PDE4D: variants seen among roughly 807,000 people sequenced by gnomAD.
PDE4D encodes the protein 3',5'-cyclic-AMP phosphodiesterase 4D.
PDE4D carries 24 observed loss-of-function variants against 87.4 expected under a neutral mutation model. That is an observed-to-expected ratio of 0.27 (90% CI 0.20 to 0.39). The LOEUF (loss-of-function observed/expected upper bound fraction) is 0.39, where lower values mean the gene tolerates loss of function less well. Ranked by LOEUF, PDE4D falls within the 10% of genes least tolerant of loss-of-function variation. The probability of loss-of-function intolerance (pLI) is 1.00; values close to 1 mark genes in which losing one functional copy is unlikely to be tolerated. For missense variants in PDE4D, 714 were observed against 1,041.0 expected (o/e 0.69, Z 4.32); for synonymous variants, 384 against 383.2 (o/e 1.00, Z -0.02).
intron 5 of PDE4D, among the ~76,000 whole-genome samples, chr5:59,109,309 A>G (rs574925659): frequency 6.6e-6 from 1 of 152,224 alleles, no homozygotes; most frequent in Non-Finnish European, 1.5e-5. Context: ...TAGTCATTAA[A>G]CAGCAACCAC....
At chr5:59,130,572 A>C (rs1776123143) in intron 5 of PDE4D, among the ~76,000 whole-genome samples, 4 of 152,252 alleles carry the variant, frequency 2.6e-5, no homozygotes, top group Admixed American at 2.6e-4. Context: ...TGACTGTTTA[A>C]GTTGGCTAAC....
chr5:59,264,311 C>T (rs1489368591), intron 1 of PDE4D, among the ~76,000 whole-genome samples: 1 of 151,976 alleles, frequency 6.6e-6, no homozygotes, highest in Non-Finnish European at 1.5e-5. Context: ...GACTAGCTAT[C>T]TTGGTTTTAA....
chr5:60,256,974 T>C (rs771121998), intron 1 of PDE4D, among the ~76,000 whole-genome samples: 7 of 151,942 alleles, frequency 4.6e-5, no homozygotes, highest in Non-Finnish European at 1.0e-4. Flanking sequence ...GTGATAGATA[T>C]GTTAATTAGC....
chr5:59,431,624 C>CT (rs199931186), intron 1 of PDE4D, among the ~76,000 whole-genome samples: 3 of 151,868 alleles, frequency 2.0e-5, no homozygotes, highest in African/African-American at 4.8e-5. Flanking sequence ...GATAATTTTC[C>CT]TTTTTTTTAA....
chr5:60,078,983 A>G (rs954358573), intron 2 of PDE4D, among the ~76,000 whole-genome samples: 11 of 152,288 alleles, frequency 7.2e-5, no homozygotes, highest in African/African-American at 2.6e-4. Flanking sequence ...CAATGGTTGA[A>G]CTAATTTACA....
chr5:59,324,140 C>T (rs536659941), intron 1 of PDE4D, among the ~76,000 whole-genome samples: 17 of 152,172 alleles, frequency 1.1e-4, no homozygotes, highest in African/African-American at 3.6e-4. Context: ...TAAAAGCCCA[C>T]TCTGGCATTC....
intron 1 of PDE4D, among the ~76,000 whole-genome samples, chr5:59,374,145 T>A (rs1272365631): frequency 6.6e-6 from 1 of 152,142 alleles, no homozygotes; most frequent in Non-Finnish European, 1.5e-5. Flanking sequence ...CCAGCTAACA[T>A]CATGATGACA....
intron 2 of PDE4D, among the ~76,000 whole-genome samples, chr5:59,214,163 C>T (rs535627078): frequency 6.6e-6 from 1 of 152,000 alleles, no homozygotes; most frequent in East Asian, 1.9e-4. Flanking sequence ...TCATATTTAG[C>T]CTGCCTTACT....
At chr5:60,234,380 T>C (rs1746177724) in intron 1 of PDE4D, among the ~76,000 whole-genome samples, 1 of 151,858 alleles carries the variant, frequency 6.6e-6, no homozygotes, top group Non-Finnish European at 1.5e-5. Flanking sequence ...TATTTTCTGC[T>C]ATTATAAATA....
chr5:59,114,274 T>C (rs555341693), intron 5 of PDE4D, among the ~76,000 whole-genome samples: 12 of 152,288 alleles, frequency 7.9e-5, no homozygotes, highest in Non-Finnish European at 1.8e-4. Flanking sequence ...GGATTTAAAG[T>C]ATATATTAAT....
At chr5:59,798,258 G>C (rs1195894499) in intron 1 of PDE4D, among the ~76,000 whole-genome samples, 1 of 19,914 alleles carries the variant, frequency 5.0e-5, no homozygotes, top group African/African-American at 3.2e-4. Context: ...AAATGCCTGT[G>C]TGTGTGTGTG....
At chr5:59,781,393 A>AT (rs769619753) in intron 1 of PDE4D, among the ~76,000 whole-genome samples, 15 of 152,132 alleles carry the variant, frequency 9.9e-5, no homozygotes, top group Non-Finnish European at 2.2e-4. Context: ...TTTCCCCCAG[A>AT]TTTTTTGTGC....
intron 1 of PDE4D, among the ~76,000 whole-genome samples, chr5:60,479,535 T>C (rs1583894058): frequency 6.6e-6 from 1 of 152,332 alleles, no homozygotes; most frequent in South Asian, 2.1e-4. Flanking sequence ...CTACTAAATG[T>C]AGTAACATCT....
chr5:59,116,222 T>C (rs938585847), intron 5 of PDE4D, among the ~76,000 whole-genome samples: 8 of 152,312 alleles, frequency 5.3e-5, no homozygotes, highest in African/African-American at 1.9e-4. Flanking sequence ...ATTAAAATTG[T>C]ATAAAGCATA....
At chr5:59,912,970 C>T (rs1470685129) in intron 3 of PDE4D, among the ~76,000 whole-genome samples, 1 of 152,132 alleles carries the variant, frequency 6.6e-6, no homozygotes, top group Non-Finnish European at 1.5e-5. Context: ...AAGTGTTCTT[C>T]AAGCTGAGAA....
intron 5 of PDE4D, among the ~76,000 whole-genome samples, chr5:59,113,387 T>C (rs564620491): frequency 2.2e-4 from 34 of 152,356 alleles, no homozygotes; most frequent in East Asian, 1.3e-3. Context: ...TCAAAAATCA[T>C]GTTAAACCTA....
intron 1 of PDE4D, among the ~76,000 whole-genome samples, chr5:59,864,921 C>T (rs1028502143): frequency 6.6e-6 from 1 of 152,170 alleles, no homozygotes; most frequent in Non-Finnish European, 1.5e-5. Flanking sequence ...GCTGACAGGC[C>T]TGCTCTGGAG....
chr5:60,183,317 A>G (rs1784525334), intron 2 of PDE4D, among the ~76,000 whole-genome samples: 1 of 152,180 alleles, frequency 6.6e-6, no homozygotes, highest in Admixed American at 6.5e-5. Context: ...CCTTGATTTT[A>G]TATTTATTTG....
intron 2 of PDE4D, among the ~76,000 whole-genome samples, chr5:60,165,384 G>A (rs1387595690): frequency 6.6e-6 from 1 of 152,110 alleles, no homozygotes; most frequent in Non-Finnish European, 1.5e-5. Context: ...TTGTTTTTAT[G>A]CTGATATCAC....
Sources: gnomAD v4.1 joint callset for allele counts (sites outside exome capture counted in the v4.1 genomes callset) on GRCh38, gnomAD v4.1.1 for gene constraint, MANE v1.5 for transcripts, NCBI Gene and HGNC (gene_info 2026-07-23, HGNC 2026-07-21) for gene names.